Variants in EPHB4 observed in about 807,000 individuals in gnomAD.
The protein encoded by EPHB4 is EPH receptor B4.
EPHB4 carries 50 observed loss-of-function variants against 110.6 expected under a neutral mutation model. The ratio of observed to expected loss-of-function variants is 0.45; its 90% CI spans 0.36 to 0.57. The LOEUF (loss-of-function observed/expected upper bound fraction) is 0.57, where lower values mean the gene tolerates loss of function less well. Among genes scored for constraint, EPHB4 ranks in the 20% least tolerant of loss-of-function variants. EPHB4 has a pLI of 0.00. For missense variants in EPHB4, 1,128 were observed against 1,382.1 expected (o/e 0.82, Z 2.91); for synonymous variants, 592 against 578.4 (o/e 1.02, Z -0.34).
chr7:100,806,815 C>G (rs1284538126), intron 13 of EPHB4, among the ~76,000 whole-genome samples: 5 of 152,118 alleles, frequency 3.3e-5, no homozygotes, highest in Non-Finnish European at 5.9e-5. Context: ...GGATTACAGG[C>G]GTGTACCACC....
chr7:100,812,601 A>C (rs777866090), intron 12 of EPHB4, 146 bp downstream of exon 12: 10 of 1,171,952 alleles, frequency 8.5e-6, no homozygotes, highest in Non-Finnish European at 1.2e-5. Flanking sequence ...AAAAAAGAAA[A>C]GGCAGAGGAC....
rs999294427 is a variant in EPHB4, at chr7:100,802,718, A to G, written c.*743T>C. On this transcript the variant is annotated 3_prime_UTR_variant, in exon 17 of 17. Coordinates refer to ENST00000358173, the MANE Select transcript of EPHB4 (RefSeq NM_004444.5). Reference sequence around the variant, plus strand: ...TCACTACCTCACCCCACACCCCTTCATAGGACACAGCTTGGGGGTCCCAGG... The same window carrying G: ...TCACTACCTCACCCCACACCCCTTCGTAGGACACAGCTTGGGGGTCCCAGG... 6.6e-6 allele frequency: 1 copy of G among 152,122 alleles called. No individual in the cohort carries two copies. The highest frequency in any genetic ancestry group is 2.4e-5 in the African/African-American group (1 of 41,424). 9.4% of individuals were successfully genotyped at this position (152,122 alleles called of 1,614,324 possible).
intron 13 of EPHB4, among the ~76,000 whole-genome samples, 177 bp downstream of exon 13, chr7:100,807,188 T>C (rs1300473869): frequency 5.3e-5 from 8 of 152,090 alleles, no homozygotes. Context: ...ATCCAACTGT[T>C]ATTTTCCTAG....
chr7:100,818,702 A>T, intron 6 of EPHB4, 58 bp from the exon 7 acceptor site: 2 of 1,522,724 alleles, frequency 1.3e-6, no homozygotes, highest in Non-Finnish European at 1.8e-6. Context: ...CCCTTAACTT[A>T]AAAAAAATTT....
At chr7:100,814,338 G>C in intron 8 of EPHB4, among the ~76,000 whole-genome samples, 1 of 152,212 alleles carries the variant, frequency 6.6e-6, no homozygotes, top group East Asian at 1.9e-4. Context: ...GAGTGCAGTG[G>C]CGCAATCTCA....
chr7:100,826,880 AG>A (rs1813413249), intron 1 of EPHB4, 98 bp downstream of exon 1: 6 of 1,240,860 alleles, frequency 4.8e-6, no homozygotes, highest in Non-Finnish European at 6.5e-6. Flanking sequence ...GTGCCCGGGT[AG>A]GGGTAGTCAG....
chr7:100,803,282 T>C lies in EPHB4; in HGVS notation c.*179A>G. 1 of 715,604 alleles carries C rather than the reference T, an allele frequency of 1.4e-6. No homozygotes were observed. Among genetic ancestry groups the C allele is most frequent in the Non-Finnish European group, 2.0e-6 (1 of 493,574 alleles). 44.3% of individuals were successfully genotyped at this position (715,604 alleles called of 1,614,324 possible). A position where few individuals can be genotyped will look rare whatever the true frequency, so the allele number is the denominator to read the frequency against. On this transcript the variant is annotated 3_prime_UTR_variant, in exon 17 of 17. Coordinates refer to ENST00000358173, the MANE Select transcript of EPHB4 (RefSeq NM_004444.5). ...GGAGTTCCCCGAGGTGGCTGGGGGG[T>C]GATTTTCCCCTCCTATTATGGCAGA... is the stretch of plus-strand genomic sequence containing the variant.
In EPHB4 at chr7:100,822,585, C is replaced by A. The variant is rs758697441; in HGVS notation, c.494G>T (p.Arg165Leu). The A allele has an allele frequency of 1.2e-6, 2 of 1,612,272 alleles. No homozygotes were observed. Among genetic ancestry groups the A allele is most frequent in the South Asian group, 1.1e-5 (1 of 90,954 alleles). The change falls in exon 4 of 17, where the codon CGT (arginine) becomes CTT (leucine). Residue 165 changes from arginine (R) to leucine (L), a missense_variant. Coordinates refer to ENST00000358173, the MANE Select transcript of EPHB4 (RefSeq NM_004444.5). This position sits in a 1 kb window ranked among gnomAD's most constrained non-coding sequence, Gnocchi z 4.7. ...ATGKVNVKTL[R>L]LGPLSKAGFY... is the part of the protein sequence containing the mutation. ...GCCAGCCTTGCTGAGCGGTCCCAGA[C>A]GCAGCGTCTTGACATTCACCTTCCC...
chr7:100,825,821 G>T (rs1308771802), intron 1 of EPHB4, among the ~76,000 whole-genome samples: 3 of 152,196 alleles, frequency 2.0e-5, no homozygotes, highest in African/African-American at 7.2e-5. Flanking sequence ...TTTCCTCTTT[G>T]CGTCTTTCCT....
At chr7:100,814,468 G>A (rs1813020065) in intron 8 of EPHB4, among the ~76,000 whole-genome samples, 1 of 152,200 alleles carries the variant, frequency 6.6e-6, no homozygotes, top group Admixed American at 6.5e-5. Context: ...AGTAGAGATG[G>A]GCTTTCACCA....
At position 100,803,148 on chromosome 7, in the gene EPHB4, G is replaced by A. The variant is rs527751519; in HGVS notation, c.*313C>T. On this transcript the variant is annotated 3_prime_UTR_variant, in exon 17 of 17. Transcript: ENST00000358173. Reference sequence around the variant, plus strand: ...CACACTCTCTTTGGTCTGCGGGAACGCACCCATCAAGGTGAGGGGGGCACC... The same window carrying A: ...CACACTCTCTTTGGTCTGCGGGAACACACCCATCAAGGTGAGGGGGGCACC... 119 of 212,200 alleles carry A rather than the reference G, an allele frequency of 5.6e-4. No homozygotes were observed. The highest frequency in any genetic ancestry group is 4.7e-3 in the Middle Eastern group (3 of 642). 13.1% of individuals were successfully genotyped at this position (212,200 alleles called of 1,614,324 possible).
In EPHB4 at chr7:100,812,770, C is replaced by T. The variant is rs977127119; in HGVS notation, c.2095G>A (p.Gly699Ser). ...ACCCGCAGGAAGGAGTCCAGGGCGC[C>T]GTTCTCCATGAACTCTGTGAGAATC... ...VMILTEFMEN[G>S]ALDSFLRLND... is the part of the protein sequence containing the mutation. Residue 699 changes from glycine (G) to serine (S), a missense_variant, in exon 12 of 17, where the codon GGC becomes AGC. Around this residue, in one of 3 missense-constraint regions of EPHB4, gnomAD observed 191 missense variants for 313.0 expected, o/e 0.61. Coordinates refer to ENST00000358173, the MANE Select transcript of EPHB4 (RefSeq NM_004444.5). 20 of 1,613,872 alleles carry T rather than the reference C, an allele frequency of 1.2e-5. No homozygotes were observed. The highest frequency in any genetic ancestry group is 1.5e-5 in the Non-Finnish European group (18 of 1,180,024).
intron 14 of EPHB4, 163 bp downstream of exon 14, chr7:100,806,257 G>T: frequency 2.3e-6 from 2 of 867,956 alleles, no homozygotes; most frequent in Non-Finnish European, 3.3e-6. Context: ...ACTAGGCCTG[G>T]CCCTGTATCT....
intron 16 of EPHB4, 123 bp from the exon 17 acceptor site, chr7:100,803,713 G>T: frequency 8.0e-7 from 1 of 1,255,438 alleles, no homozygotes; most frequent in Non-Finnish European, 1.0e-6. Flanking sequence ...GCGGGGGAGG[G>T]AGAACAGATG....
chr7:100,809,735 A>C lies in EPHB4; in HGVS notation c.2119-2155T>G, dbSNP rs545369775. Among the ~76,000 whole-genome samples the C allele has an allele frequency of 8.1e-4, 124 of 152,206 alleles. 1 individual carries two copies. The highest frequency in any genetic ancestry group is 2.8e-3 in the African/African-American group (118 of 41,546). ...CACCATGTTGCCCAGGGTGATCTCT[A>C]ACTCCTGGCCTCGAGTGATCCACCA... is the stretch of plus-strand genomic sequence containing the variant. On this transcript the variant is annotated intron_variant, in intron 12 of 16. Transcript: ENST00000358173.
intron 8 of EPHB4, among the ~76,000 whole-genome samples, chr7:100,815,902 T>G (rs1043939112): frequency 2.6e-5 from 4 of 151,962 alleles, no homozygotes; most frequent in African/African-American, 7.3e-5. Context: ...GTGGAAGGAT[T>G]GGTTGAGCTC....
In EPHB4 at chr7:100,817,361, T is replaced by G. The variant is rs1184815471; in HGVS notation, c.1423-4A>C. ...CGCTGCTGGGACCCTCGGCGCCCTG[T>G]CCGGGAGAGGTAGTGGGGTGGCCGT... On this transcript the variant is annotated splice_polypyrimidine_tract_variant and splice_region_variant and intron_variant, in intron 7 of 16. Transcript: ENST00000358173. 1 of 1,558,240 alleles carries G rather than the reference T, an allele frequency of 6.4e-7. No homozygotes were observed. The highest frequency in any genetic ancestry group is 2.4e-5 in the East Asian group (1 of 41,558).
chr7:100,827,120 T>C lies in EPHB4; in HGVS notation c.-90A>G, dbSNP rs952758363. ...CTCTCCCTGGGCGGGTGGACGCCGA[T>C]ACTCCGCGCGGGACTCCTCGTCGGG... On this transcript the variant is annotated 5_prime_UTR_variant, in exon 1 of 17. Coordinates refer to ENST00000358173, the MANE Select transcript of EPHB4 (RefSeq NM_004444.5). 1.1e-5 allele frequency: 16 copies of C among 1,411,032 alleles called. No homozygotes were observed. Among genetic ancestry groups the C allele is most frequent in the East Asian group, 5.2e-5 (2 of 38,278 alleles). The allele number at this position is 1,411,032 out of a possible 1,614,324, so 87.4% of individuals were successfully genotyped here. A position where few individuals can be genotyped will look rare whatever the true frequency, so the allele number is the denominator to read the frequency against.
intron 13 of EPHB4, among the ~76,000 whole-genome samples, chr7:100,806,956 C>T (rs1812830395): frequency 6.6e-6 from 1 of 152,100 alleles, no homozygotes; most frequent in Non-Finnish European, 1.5e-5. Flanking sequence ...AGGCGTGAGC[C>T]ACCACACCTG....
Sources: allele counts gnomAD v4.1 joint callset (sites outside exome capture counted in the v4.1 genomes callset), GRCh38; gene constraint gnomAD v4.1.1; regional missense constraint gnomAD v4.1.1; non-coding constraint Gnocchi (gnomAD v3.1); transcripts MANE v1.5; gene names NCBI Gene and HGNC (gene_info 2026-07-23, HGNC 2026-07-21).